The following NCAPD2 variants were observed in gnomAD, a reference collection of about 807,000 sequenced individuals.
The protein encoded by NCAPD2 is non-SMC condensin I complex subunit D2, also known as condensin complex subunit 1.
In NCAPD2, 100 loss-of-function variants were observed where a neutral mutation model predicts 164.5. That is an observed-to-expected ratio of 0.61 (90% CI 0.52 to 0.72). The LOEUF is 0.72. Among genes scored for constraint, NCAPD2 ranks in the 30% least tolerant of loss-of-function variants. The pLI, the probability that NCAPD2 is intolerant of heterozygous loss-of-function variation, is 0.00. For synonymous variants in NCAPD2, 585 were observed against 642.6 expected (o/e 0.91, Z 1.36); for missense variants, 1,560 against 1,749.2 (o/e 0.89, Z 1.93).
rs560376659 is a variant in NCAPD2 at position 6,525,819 on chromosome 12, C to T, written c.2348+103C>T. 2.8e-5 allele frequency: 41 copies of T among 1,482,738 alleles called. No individual in the cohort carries two copies. The South Asian group carries it at 3.3e-4, about 12-fold the overall frequency. 91.8% of individuals were successfully genotyped at this position (1,482,738 alleles called of 1,614,324 possible). A position where few individuals can be genotyped will look rare whatever the true frequency, so the allele number is the denominator to read the frequency against. On this transcript the variant is annotated intron_variant, in intron 18 of 31. Transcript: ENST00000315579. Reference sequence around the variant, plus strand: ...ATTGTCACAGTGAGGCCCAACTGAGCTCTGCTGTGAGTTATAACGCCACCT... The same window carrying T: ...ATTGTCACAGTGAGGCCCAACTGAGTTCTGCTGTGAGTTATAACGCCACCT...
In NCAPD2 at chr12:6,523,291, T is replaced by A. The variant is rs1946283264; in HGVS notation, c.2159T>A (p.Leu720His). ...RAKAQALIQNLSLLLVDASVG... is the reference protein window; with the variant it reads ...RAKAQALIQNHSLLLVDASVG... ...AAGGCCCAGGCTTTGATTCAGAATCTCTCTCTGCTGCTAGTGGATGCCTCG... is the reference window on the plus strand; with the variant it reads ...AAGGCCCAGGCTTTGATTCAGAATCACTCTCTGCTGCTAGTGGATGCCTCG... Residue 720 changes from leucine to histidine, a missense_variant, in exon 17 of 32, where the codon CTC (leucine) becomes CAC (histidine). Leu to His is a moderately conservative substitution (Grantham distance 99). Transcript: ENST00000315579. 6.2e-7 allele frequency: 1 copy of A among 1,614,056 alleles called. No individual in the cohort carries two copies. The highest frequency in any genetic ancestry group is 1.3e-5 in the African/African-American group (1 of 74,906).
At chr12:6,518,340 A>G (rs1266888184) in intron 13 of NCAPD2, 5 of 167,904 alleles carry the variant, frequency 3.0e-5, no homozygotes, top group African/African-American at 9.6e-5. Context: ...TATGATCTCT[A>G]AGGACTTTCT....
rs1555140245 is a variant in NCAPD2 at position 6,523,398 on chromosome 12, G to GTTGTT, written c.2214+54_2214+55insGTTTT. The GTTGTT allele has an allele frequency of 5.7e-5, 50 of 873,364 alleles. 1 individual carries two copies. In the African/African-American group the frequency reaches 7.4e-4, roughly 13 times the overall value. 54.1% of individuals were successfully genotyped at this position (873,364 alleles called of 1,614,324 possible). A position where few individuals can be genotyped will look rare whatever the true frequency, so the allele number is the denominator to read the frequency against. On this transcript the variant is annotated intron_variant, in intron 17 of 31. Coordinates refer to ENST00000315579, the MANE Select transcript of NCAPD2 (RefSeq NM_014865.4). ...TATTCATTCAACAAGTATTTTGGTT[G>GTTGTT]TTTTTTTTTTTTTTTTTGAGACGGA...
At chr12:6,510,445 G>A (rs1456213908) in intron 4 of NCAPD2, 184 bp from the exon 5 acceptor site, 3 of 805,938 alleles carry the variant, frequency 3.7e-6, no homozygotes, top group Non-Finnish European at 6.6e-6. Context: ...GAGTGAGAGA[G>A]TAGGAACAGG....
intron 9 of NCAPD2, among the ~76,000 whole-genome samples, chr12:6,515,134 GTTCTGGTAAGGGAGATGACAT>G (rs1420766036): frequency 1.3e-5 from 2 of 151,938 alleles, no homozygotes; most frequent in East Asian, 3.8e-4. Context: ...CTTTTATCCA[GTTCTGGTAAGGGAGATGACAT>G]TTCTGCAGCT....
chr12:6,515,041 A>T, intron 9 of NCAPD2, 121 bp downstream of exon 9: 1 of 1,100,056 alleles, frequency 9.1e-7, no homozygotes, highest in East Asian at 2.4e-5. Context: ...TATCATTGTG[A>T]CATTTCCTTT....
intron 14 of NCAPD2, 146 bp downstream of exon 14, chr12:6,521,256 G>A (rs1221887316): frequency 1.0e-6 from 1 of 976,212 alleles, no homozygotes; most frequent in African/African-American, 1.6e-5. Context: ...GCTCTGGAAT[G>A]GAAGCAGCCC....
intron 2 of NCAPD2, among the ~76,000 whole-genome samples, chr12:6,496,879 A>G (rs988720831): frequency 9.2e-5 from 14 of 152,188 alleles, no homozygotes; most frequent in Admixed American, 9.2e-4. Flanking sequence ...TAAAACACCT[A>G]CACACATTAG....
Position 6,527,784 on chromosome 12 carries a change from G to A in NCAPD2, c.2915G>A (p.Ser972Asn). 6.2e-7 allele frequency: 1 copy of A among 1,611,918 alleles called. No homozygotes were observed. ...KTKDPKEKNT[S>N]SETTMEEELG... is the part of the protein sequence containing the mutation. ...CAATTTCATTCCCTTTAGAATACGA[G>A]CTCTGAGACCACCATGGAGGAGGAG... The change falls in exon 23 of 32, where the codon AGC (serine) becomes AAC (asparagine). Residue 972 changes from serine (S) to asparagine (N), a missense_variant. Coordinates refer to ENST00000315579, the MANE Select transcript of NCAPD2 (RefSeq NM_014865.4).
Position 6,517,488 on chromosome 12 carries a change from T to C in NCAPD2, c.1309T>C (p.Phe437Leu). ...GGCCAGTTTTCTAGCCAATAATCCT[T>C]TCTCCTGCAAGGTAAGTAGACTTGG... Reference protein sequence around the residue: ...LLASFLANNPFSCKLSDADLA... With the variant: ...LLASFLANNPLSCKLSDADLA... The change falls in exon 11 of 32, where the codon TTC becomes CTC. Residue 437 changes from phenylalanine (F) to leucine (L), a missense_variant. By Grantham distance (22) the Phe-to-Leu change is conservative (BLOSUM62 0). Transcript: ENST00000315579. 6.2e-7 allele frequency: 1 copy of C among 1,614,220 alleles called. No homozygotes were observed. The highest frequency in any genetic ancestry group is 8.5e-7 in the Non-Finnish European group (1 of 1,180,034).
intron 9 of NCAPD2, 76 bp downstream of exon 9, chr12:6,514,996 G>C: frequency 6.7e-7 from 1 of 1,484,260 alleles, no homozygotes; most frequent in African/African-American, 1.4e-5. Flanking sequence ...TTTCTTAACA[G>C]AACAAGAAAG....
chr12:6,528,053 A>C lies in NCAPD2; in HGVS notation c.3105A>C (p.Ala1035=). ...TCTATAGCAACCCAGACCTCTCTGC[A>C]GCTGCTTCACTTGCCCTTGGCAAGT... ...PGLYSNPDLS[A]AASLALGKFC... Residue 1035 remains alanine (A), a synonymous_variant, in exon 24 of 32, where the codon GCA becomes GCC. Coordinates refer to ENST00000315579, the MANE Select transcript of NCAPD2 (RefSeq NM_014865.4). The surrounding 1 kb of genome is among the most constrained non-coding windows in gnomAD (Gnocchi z 5.1). The C allele has an allele frequency of 6.2e-7, 1 of 1,614,226 alleles. No homozygotes were observed. Among genetic ancestry groups the C allele is most frequent in the Non-Finnish European group, 8.5e-7 (1 of 1,180,052 alleles).
chr12:6,531,668 A>C lies in NCAPD2; in HGVS notation c.*256A>C, dbSNP rs764373085. 1.9e-6 allele frequency: 1 copy of C among 518,200 alleles called. No individual in the cohort carries two copies. The highest frequency in any genetic ancestry group is 3.3e-6 in the Non-Finnish European group (1 of 305,860). 32.1% of individuals were successfully genotyped at this position (518,200 alleles called of 1,614,324 possible). ...TAAAAATAAAAAATTAGCCGGGCGT[A>C]TTGGCGTGCGCCTGTAATCCCAGCT... On this transcript the variant is annotated 3_prime_UTR_variant, in exon 32 of 32. Coordinates refer to ENST00000315579, the MANE Select transcript of NCAPD2 (RefSeq NM_014865.4). The surrounding 1 kb of genome is among the most constrained non-coding windows in gnomAD (Gnocchi z 4.1).
intron 2 of NCAPD2, among the ~76,000 whole-genome samples, chr12:6,503,640 G>T (rs1201044156): frequency 1.3e-5 from 2 of 151,954 alleles, no homozygotes; most frequent in Non-Finnish European, 2.9e-5. Context: ...GTGTGGTGAC[G>T]CGTGCCTGTA....
At chr12:6,523,689 G>A (rs766696976) in intron 17 of NCAPD2, among the ~76,000 whole-genome samples, 7 of 152,176 alleles carry the variant, frequency 4.6e-5, no homozygotes, top group Admixed American at 1.3e-4. Flanking sequence ...GAGCCAAAGC[G>A]CCCGGCAACA....
Position 6,530,628 on chromosome 12 carries a change from G to A in NCAPD2, c.3838-63G>A. Reference sequence around the variant, plus strand: ...AGGCCTCCATGTCTTCCATGGCCTTGTTTCTTTTTAATCAGAAGTAACTGT... The same window carrying A: ...AGGCCTCCATGTCTTCCATGGCCTTATTTCTTTTTAATCAGAAGTAACTGT... On this transcript the variant is annotated intron_variant, in intron 29 of 31. Coordinates refer to ENST00000315579, the MANE Select transcript of NCAPD2 (RefSeq NM_014865.4). 6 of 1,600,068 alleles carry A rather than the reference G, an allele frequency of 3.7e-6. No homozygotes were observed. The South Asian group carries it at 5.6e-5, about 15-fold the overall frequency.
At chr12:6,497,776 G>A (rs750278326) in intron 2 of NCAPD2, among the ~76,000 whole-genome samples, 4 of 151,760 alleles carry the variant, frequency 2.6e-5, no homozygotes, top group South Asian at 2.1e-4. Context: ...ATGCCACCAC[G>A]CCCGGCTAAT....
At position 6,531,151 on chromosome 12, in the gene NCAPD2, G is replaced by T; in HGVS notation, c.4120+75G>T. The stretch of plus-strand genomic sequence containing the variant: ...CAGAGGGCTGGTTTCCATAGGACCT[G>T]CTGCGGGGGCCTGAGTGTAGATGCT... On this transcript the variant is annotated intron_variant, in intron 31 of 31. Transcript: ENST00000315579. This position sits in a 1 kb window ranked among gnomAD's most constrained non-coding sequence, Gnocchi z 4.1. 6.3e-7 allele frequency: 1 copy of T among 1,580,770 alleles called. No individual in the cohort carries two copies. Among genetic ancestry groups the T allele is most frequent in the South Asian group, 1.1e-5 (1 of 87,986 alleles).
At chr12:6,504,167 T>C (rs1218364757) in intron 2 of NCAPD2, among the ~76,000 whole-genome samples, 1 of 87,728 alleles carries the variant, frequency 1.1e-5, no homozygotes, top group Non-Finnish European at 2.7e-5. Context: ...CATTCAGTTT[T>C]GACATATATA....
Sources: gnomAD v4.1 joint callset for allele counts (sites outside exome capture counted in the v4.1 genomes callset) on GRCh38, gnomAD v4.1.1 for gene constraint, Gnocchi (gnomAD v3.1) non-coding constraint, MANE v1.5 for transcripts, NCBI Gene and HGNC (gene_info 2026-07-23, HGNC 2026-07-21) for gene names.